FRMPD3: variants seen among roughly 807,000 people sequenced by gnomAD.
FRMPD3 encodes the protein FERM and PDZ domain containing 3, also known as FERM and PDZ domain-containing protein 3.
A neutral mutation model predicts 97.9 loss-of-function variants in FRMPD3; 42 were observed. The observed-to-expected ratio is 0.43, with a 90% confidence interval of 0.34 to 0.55. The LOEUF is 0.55. FRMPD3 is among the 20% of genes least tolerant of loss of function. The probability of loss-of-function intolerance (pLI) is 0.03; values close to 1 mark genes in which losing one functional copy is unlikely to be tolerated. For synonymous variants in FRMPD3, 577 were observed against 581.1 expected (o/e 0.99, Z 0.10); for missense variants, 1,303 against 1,457.7 (o/e 0.89, Z 1.73).
chrX:107,596,443 A>G (rs1381457520), intron 13 of FRMPD3, among the ~76,000 whole-genome samples: 1 of 112,163 alleles, frequency 8.9e-6, no homozygotes, highest in Non-Finnish European at 1.9e-5. Flanking sequence ...GTCCGAGTAT[A>G]TTCTCACAGA....
chrX:107,510,598 C>T (rs767973465), intron 1 of FRMPD3, among the ~76,000 whole-genome samples: 20 of 111,910 alleles, frequency 1.8e-4, no homozygotes, highest in Non-Finnish European at 3.4e-4. Context: ...GTGCTCTTGC[C>T]CTTGGTTTTT....
chrX:107,558,714 C>T (rs1379737688), intron 8 of FRMPD3, among the ~76,000 whole-genome samples: 5 of 111,786 alleles, frequency 4.5e-5, no homozygotes, highest in African/African-American at 1.3e-4. Context: ...GACAGAGTCT[C>T]GCTCTGTCAC....
At chrX:107,554,324 C>T in intron 7 of FRMPD3, 61 bp from the exon 8 acceptor site, 1 of 1,155,951 alleles carries the variant, frequency 8.7e-7, no homozygotes, top group Non-Finnish European at 1.2e-6. Context: ...GCTGCCAGCC[C>T]AACACCCCAG....
At chrX:107,534,307 C>T (rs1380176082) in intron 4 of FRMPD3, among the ~76,000 whole-genome samples, 1 of 111,444 alleles carries the variant, frequency 9.0e-6, no homozygotes, top group Admixed American at 9.6e-5. Context: ...GTGCAAAATT[C>T]AGAGCCCTCA....
In FRMPD3 at chrX:107,576,370, C is replaced by T. The variant is rs759602386; in HGVS notation, c.1352C>T (p.Ala451Val). ...PEATNFACLI[A>V]GYCRLLLDSR... Reference sequence around the variant, plus strand: ...GCCACCAACTTTGCCTGCCTGATCGCGGGGTACTGCCGCCTCTTGCTGGAT... The same window carrying T: ...GCCACCAACTTTGCCTGCCTGATCGTGGGGTACTGCCGCCTCTTGCTGGAT... The change falls in exon 13 of 15, where the codon GCG (alanine) becomes GTG (valine). Residue 451 changes from alanine to valine, a missense_variant. Transcript: ENST00000683843. 4.1e-6 allele frequency: 5 copies of T among 1,209,020 alleles called. No homozygotes were observed. Among genetic ancestry groups the T allele is most frequent in the East Asian group, 3.0e-5 (1 of 33,787 alleles).
At chrX:107,477,527 T>G (rs952711476) in intron 1 of FRMPD3, among the ~76,000 whole-genome samples, 1 of 112,719 alleles carries the variant, frequency 8.9e-6, no homozygotes, top group Non-Finnish European at 1.9e-5. Context: ...TTGAAAAACT[T>G]CAGCCCCAAG....
intron 3 of FRMPD3, among the ~76,000 whole-genome samples, chrX:107,532,516 A>G (rs1483328351): frequency 8.9e-6 from 1 of 112,661 alleles, no homozygotes; most frequent in Non-Finnish European, 1.9e-5. Flanking sequence ...GACGAGTCAC[A>G]TAATCCAACT....
intron 4 of FRMPD3, among the ~76,000 whole-genome samples, chrX:107,535,283 A>G (rs1447056336): frequency 8.9e-6 from 1 of 111,840 alleles, no homozygotes; most frequent in East Asian, 2.8e-4. Flanking sequence ...TTTTCTTTTG[A>G]AATAATTGTA....
At position 107,466,881 on chromosome X, in the gene FRMPD3, C is replaced by G. The variant is rs775743353; in HGVS notation, c.-8+16876C>G. On this transcript the variant is annotated intron_variant, in intron 1 of 14. Transcript: ENST00000683843. ...CAGAAAGGCCAAGAAAGGACTGACTCTAACACCTCCCCTCACTGACCACAT... is the reference window on the plus strand; with the variant it reads ...CAGAAAGGCCAAGAAAGGACTGACTGTAACACCTCCCCTCACTGACCACAT... Among the ~76,000 whole-genome samples, 5 of 111,873 alleles carry G rather than the reference C, an allele frequency of 4.5e-5. No homozygotes were observed. In the South Asian group the frequency reaches 1.9e-3, roughly 43 times the overall value.
chrX:107,450,599 CACAG>C (rs1206023667), intron 1 of FRMPD3, among the ~76,000 whole-genome samples: 55 of 100,305 alleles, frequency 5.5e-4, no homozygotes, highest in Admixed American at 1.0e-3. Context: ...CACACACACA[CACAG>C]AGAGAGAGAG....
rs750429028 is a variant in FRMPD3, at chrX:107,523,648, C to T, written c.-7-2934C>T. On this transcript the variant is annotated intron_variant, in intron 1 of 14. Coordinates refer to ENST00000683843, the MANE Select transcript of FRMPD3 (RefSeq NM_001388459.1). ...ACTTGTCTTTTCTCCCCCAGCTAGA[C>T]TGAAAGCTCTTTGAGGGCAGAGACC... Among the ~76,000 whole-genome samples, 6 of 112,648 alleles carry T rather than the reference C, an allele frequency of 5.3e-5. No individual in the cohort carries two copies. The East Asian group carries it at 1.7e-3, about 32-fold the overall frequency.
At chrX:107,498,931 T>G (rs1029897985) in intron 1 of FRMPD3, among the ~76,000 whole-genome samples, 34 of 110,167 alleles carry the variant, frequency 3.1e-4, no homozygotes, top group African/African-American at 9.9e-4. Flanking sequence ...AATTAGGAGG[T>G]TTGCTGGGAG....
chrX:107,526,794 ATCTTCCC>A, intron 2 of FRMPD3, 58 bp downstream of exon 2: 1 of 1,056,205 alleles, frequency 9.5e-7, no homozygotes, highest in African/African-American at 1.9e-5. Flanking sequence ...ACACCCACAT[ATCTTCCC>A]AAAAAGCAGA....
intron 12 of FRMPD3, among the ~76,000 whole-genome samples, chrX:107,565,673 C>T (rs1922570868): frequency 1.1e-5 from 1 of 91,984 alleles, no homozygotes; most frequent in Non-Finnish European, 2.1e-5. Flanking sequence ...CCAGCCTGGG[C>T]AACAGAGTGA....
At chrX:107,515,297 G>A (rs1249787489) in intron 1 of FRMPD3, among the ~76,000 whole-genome samples, 3 of 111,728 alleles carry the variant, frequency 2.7e-5, no homozygotes, top group Non-Finnish European at 5.6e-5. Flanking sequence ...AGGAGACTAA[G>A]AAAAAGTGGC....
At chrX:107,534,858 T>C (rs1923148966) in intron 4 of FRMPD3, among the ~76,000 whole-genome samples, 2 of 112,328 alleles carry the variant, frequency 1.8e-5, no homozygotes, top group African/African-American at 6.5e-5. Context: ...ACTCATGTGC[T>C]CTCTCACATA....
At chrX:107,574,409 T>G (rs1027912027) in intron 12 of FRMPD3, among the ~76,000 whole-genome samples, 8 of 112,782 alleles carry the variant, frequency 7.1e-5, no homozygotes, top group African/African-American at 2.6e-4. Flanking sequence ...GCCTATTTGT[T>G]TAGTTTACAG....
chrX:107,522,294 A>G (rs1390610317), intron 1 of FRMPD3, among the ~76,000 whole-genome samples: 1 of 112,117 alleles, frequency 8.9e-6, no homozygotes, highest in Admixed American at 9.4e-5. Context: ...GATATGCTTA[A>G]CCTTCCTAAG....
At chrX:107,489,851 A>G (rs1280254576) in intron 1 of FRMPD3, among the ~76,000 whole-genome samples, 1 of 111,059 alleles carries the variant, frequency 9.0e-6, no homozygotes, top group Non-Finnish European at 1.9e-5. Flanking sequence ...ATTAGATCCC[A>G]TTTGTCAATT....
Sources: gnomAD v4.1 joint callset for allele counts (sites outside exome capture counted in the v4.1 genomes callset) on GRCh38, gnomAD v4.1.1 for gene constraint, MANE v1.5 for transcripts, NCBI Gene and HGNC (gene_info 2026-07-23, HGNC 2026-07-21) for gene names.